FSTL5: variants seen among roughly 807,000 people sequenced by gnomAD.
FSTL5 encodes follistatin-related protein 5.
FSTL5 carries 62 observed loss-of-function variants against 89.1 expected under a neutral mutation model. The observed-to-expected ratio is 0.70, with a 90% CI of 0.57 to 0.86. The LOEUF (loss-of-function observed/expected upper bound fraction) is 0.86. Among genes scored for constraint, FSTL5 ranks in the 40% least tolerant of loss-of-function variants. FSTL5 has a pLI of 0.00. For missense variants in FSTL5, 1,057 were observed against 1,001.6 expected (o/e 1.06, Z -0.75); for synonymous variants, 383 against 346.2 (o/e 1.11, Z -1.18).
At chr4:162,060,305 G>A (rs1156597777) in intron 2 of FSTL5, among the ~76,000 whole-genome samples, 2 of 151,884 alleles carry the variant, frequency 1.3e-5, no homozygotes, top group African/African-American at 4.8e-5. Context: ...TGACTCAGTC[G>A]GTGAAACTAA....
intron 15 of FSTL5, among the ~76,000 whole-genome samples, chr4:161,409,394 A>T (rs12640819): frequency 0.56 from 84,786 of 151,454 alleles, 23,996 homozygotes; most frequent in East Asian, 0.77. Flanking sequence ...TATTATTATT[A>T]TTTTTTTGAG....
At chr4:161,726,554 C>T (rs1739425705) in intron 6 of FSTL5, among the ~76,000 whole-genome samples, 1 of 151,956 alleles carries the variant, frequency 6.6e-6, no homozygotes, top group Admixed American at 6.6e-5. Flanking sequence ...TACCGTAAAC[C>T]TAGTTCTGAA....
At chr4:161,850,092 T>C (rs938739145) in intron 4 of FSTL5, among the ~76,000 whole-genome samples, 4 of 152,164 alleles carry the variant, frequency 2.6e-5, no homozygotes, top group African/African-American at 7.2e-5. Context: ...CTGGGGAAAA[T>C]ATGTATTACA....
chr4:161,539,870 T>A lies in FSTL5; in HGVS notation c.1178-1570A>T, dbSNP rs1001779736. ...TTACATTTGCTTCACCTTCTTGTTTTATATAAGATACGGCCTCCTCCAAAA... is the reference window on the plus strand; with the variant it reads ...TTACATTTGCTTCACCTTCTTGTTTAATATAAGATACGGCCTCCTCCAAAA... On this transcript the variant is annotated intron_variant, in intron 9 of 15. Transcript: ENST00000306100. Among the ~76,000 whole-genome samples, 9 of 151,404 alleles carry A rather than the reference T, an allele frequency of 5.9e-5. No homozygotes were observed. The Admixed American group carries it at 6.0e-4, about 10-fold the overall frequency.
intron 3 of FSTL5, among the ~76,000 whole-genome samples, chr4:161,939,788 T>C (rs545164189): frequency 8.5e-5 from 13 of 152,088 alleles, no homozygotes; most frequent in African/African-American, 2.9e-4. Context: ...ATGTCCAAAA[T>C]GTTATCAGTG....
chr4:161,735,470 CAAATT>C (rs1389740403), intron 6 of FSTL5, among the ~76,000 whole-genome samples: 27 of 152,108 alleles, frequency 1.8e-4, no homozygotes, highest in African/African-American at 6.3e-4. Context: ...GGTAGTCTAT[CAAATT>C]AAACCTAGGT....
intron 6 of FSTL5, among the ~76,000 whole-genome samples, chr4:161,657,614 C>A (rs1736562987): frequency 6.6e-6 from 1 of 152,070 alleles, no homozygotes; most frequent in Non-Finnish European, 1.5e-5. Context: ...AGCATTCTAC[C>A]ACTTTGTCTC....
chr4:161,516,129 T>C (rs1477449251), intron 10 of FSTL5, among the ~76,000 whole-genome samples: 2 of 148,648 alleles, frequency 1.3e-5, no homozygotes, highest in Non-Finnish European at 3.0e-5. Context: ...TATATTCTTA[T>C]ATATATATTA....
chr4:161,875,322 G>C (rs961878882), intron 4 of FSTL5, among the ~76,000 whole-genome samples: 6 of 152,182 alleles, frequency 3.9e-5, no homozygotes, highest in African/African-American at 1.4e-4. Flanking sequence ...AAATCAGGCT[G>C]ATTGCGGGTA....
chr4:162,162,282 C>A (rs1486783100), intron 1 of FSTL5, among the ~76,000 whole-genome samples: 1 of 152,026 alleles, frequency 6.6e-6, no homozygotes, highest in Admixed American at 6.6e-5. Context: ...TTAAAATATA[C>A]AAATATTTAA....
At chr4:162,001,206 T>C (rs1736453154) in intron 3 of FSTL5, among the ~76,000 whole-genome samples, 1 of 152,214 alleles carries the variant, frequency 6.6e-6, no homozygotes, top group Non-Finnish European at 1.5e-5. Context: ...CTGAATATTG[T>C]CTCTCTTTAT....
At chr4:162,065,873 G>A (rs1431849570) in intron 2 of FSTL5, among the ~76,000 whole-genome samples, 1 of 151,892 alleles carries the variant, frequency 6.6e-6, no homozygotes, top group African/African-American at 2.4e-5. Context: ...GCTCTACCCT[G>A]AAATTAACTT....
At chr4:161,753,760 C>T (rs1042146454) in intron 6 of FSTL5, among the ~76,000 whole-genome samples, 1 of 151,958 alleles carries the variant, frequency 6.6e-6, no homozygotes, top group Non-Finnish European at 1.5e-5. Flanking sequence ...AGAACTGTTT[C>T]GGCCAGGCGC....
At chr4:161,841,916 G>A (rs1731223877) in intron 4 of FSTL5, among the ~76,000 whole-genome samples, 1 of 152,116 alleles carries the variant, frequency 6.6e-6, no homozygotes. Context: ...GTTCAGATTT[G>A]AGTGTGTGTT....
At chr4:162,138,411 T>A (rs1343838330) in intron 1 of FSTL5, among the ~76,000 whole-genome samples, 5 of 152,132 alleles carry the variant, frequency 3.3e-5, no homozygotes, top group Non-Finnish European at 5.9e-5. Context: ...GCAGATACTA[T>A]GCATTTAATA....
At chr4:161,912,809 C>T (rs542283257) in intron 4 of FSTL5, among the ~76,000 whole-genome samples, 93 of 152,198 alleles carry the variant, frequency 6.1e-4, no homozygotes, top group African/African-American at 1.9e-3. Flanking sequence ...AAACTCCTAG[C>T]GACTTCTTGA....
At chr4:161,478,724 A>G (rs1729391267) in intron 13 of FSTL5, among the ~76,000 whole-genome samples, 1 of 152,120 alleles carries the variant, frequency 6.6e-6, no homozygotes, top group African/African-American at 2.4e-5. Flanking sequence ...TTTACTAATA[A>G]AAAAGTTTTC....
In FSTL5 at chr4:161,779,795, A is replaced by ATGTATATATATATG. The variant is rs1560840929; in HGVS notation, c.410-3722_410-3721insCATATATATATACA. On this transcript the variant is annotated intron_variant, in intron 4 of 15. Transcript: ENST00000306100. ...TATATGTATATATATATATATATAT[A>ATGTATATATATATG]TATATATATATATATGTATATATAT... 1.5e-3 allele frequency among the ~76,000 whole-genome samples: 80 copies of ATGTATATATATATG among 52,942 alleles called. 1 individual carries two copies. Among genetic ancestry groups the ATGTATATATATATG allele is most frequent in the Non-Finnish European group, 2.2e-3 (71 of 32,074 alleles). 34.7% of individuals were successfully genotyped at this position (52,942 alleles called of 152,430 possible).
intron 4 of FSTL5, among the ~76,000 whole-genome samples, chr4:161,914,129 G>A (rs1733774823): frequency 6.6e-6 from 1 of 152,078 alleles, no homozygotes; most frequent in Non-Finnish European, 1.5e-5. Context: ...CTGTGGGAGA[G>A]ACAAAGTAGA....
Sources: gnomAD v4.1 joint callset for allele counts (sites outside exome capture counted in the v4.1 genomes callset) on GRCh38, gnomAD v4.1.1 for gene constraint, MANE v1.5 for transcripts, NCBI Gene and HGNC (gene_info 2026-07-23, HGNC 2026-07-21) for gene names.